The following CCDC28B variants were observed in gnomAD, a reference collection of about 807,000 sequenced individuals.
CCDC28B encodes the protein coiled-coil domain containing 28B, also known as coiled-coil domain-containing protein 28B.
Under a neutral mutation model 18.7 loss-of-function variants are expected in CCDC28B, and 17 were observed. The observed-to-expected ratio is 0.91, with a 90% CI of 0.62 to 1.36. CCDC28B has a LOEUF of 1.36. Ranked by LOEUF, CCDC28B falls within the 40% of genes most tolerant of loss-of-function variation. The pLI is 0.00. For missense variants in CCDC28B, 213 were observed against 251.7 expected, an observed-to-expected ratio of 0.85 and a Z score of 1.04; for synonymous variants, 116 against 105.1, an observed-to-expected ratio of 1.10 and a Z score of -0.64.
chr1:32,198,439 C>T (rs1330206123), upstream of CCDC28B, among the ~76,000 whole-genome samples: 1 of 152,234 alleles, frequency 6.6e-6, no homozygotes, highest in Non-Finnish European at 1.5e-5. Context: ...GCAGTCGCCA[C>T]AGCCTCAGGA....
rs145691778 is a variant in CCDC28B at position 32,202,558 on chromosome 1, C to A, written c.164+459C>A. On this transcript the variant is annotated intron_variant, in intron 2 of 5. Coordinates refer to ENST00000373602, the MANE Select transcript of CCDC28B (RefSeq NM_024296.5). ...GTTTGCATGCTGCCTTATAATGTGT[C>A]CATGTTTGTTCCCCACTAAATACAA... is the stretch of plus-strand genomic sequence containing the variant. 18 of 346,628 alleles carry A rather than the reference C, an allele frequency of 5.2e-5. No individual in the cohort carries two copies. The East Asian group carries it at 1.3e-3, about 25-fold the overall frequency. The allele number at this position is 346,628 out of a possible 1,614,324, so 21.5% of individuals were successfully genotyped here. A position where few individuals can be genotyped will look rare whatever the true frequency, so the allele number is the denominator to read the frequency against.
intron 5 of CCDC28B, 99 bp downstream of exon 5, chr1:32,204,719 C>T (rs1643263511): frequency 6.2e-7 from 1 of 1,613,942 alleles, no homozygotes; most frequent in Admixed American, 1.7e-5. Context: ...ACCAACTTCC[C>T]CACCTCTTGC....
At chr1:32,196,537 T>A (rs1291146830), upstream of CCDC28B, 1 of 152,252 alleles carries the variant, frequency 6.6e-6, no homozygotes, top group Non-Finnish European at 1.5e-5. Context: ...TGTGTCCTGT[T>A]CTACCCCCAC....
chr1:32,200,986 G>A (rs1223996705), intron 1 of CCDC28B, among the ~76,000 whole-genome samples: 2 of 152,196 alleles, frequency 1.3e-5, no homozygotes, highest in African/African-American at 4.8e-5. Context: ...CCCGTCAGTG[G>A]CAGCCAGCTA....
At chr1:32,203,827 G>T in intron 2 of CCDC28B, 52 bp from the exon 3 acceptor site, 2 of 1,413,002 alleles carry the variant, frequency 1.4e-6, no homozygotes, top group Non-Finnish European at 1.9e-6. Flanking sequence ...AAGATCGGGA[G>T]GTGCCTGACT....
chr1:32,202,528 T>C, intron 2 of CCDC28B: 1 of 358,586 alleles, frequency 2.8e-6, no homozygotes, highest in South Asian at 2.1e-5. Flanking sequence ...TTTTTATGAT[T>C]GGGAGTTTGC....
At position 32,205,364 on chromosome 1, in the gene CCDC28B, G is replaced by C; in HGVS notation, c.*116G>C. On this transcript the variant is annotated 3_prime_UTR_variant, in exon 6 of 6. Coordinates refer to ENST00000373602, the MANE Select transcript of CCDC28B (RefSeq NM_024296.5). This position sits in a 1 kb window ranked among gnomAD's most constrained non-coding sequence, Gnocchi z 5.6. The stretch of plus-strand genomic sequence containing the variant: ...GCTATGGGGGAGGGGGGCGTTGAAT[G>C]GAATTAAACCAGAAAGAAAGCAAGC... 9.1e-7 allele frequency: 1 copy of C among 1,094,270 alleles called. No individual in the cohort carries two copies. 67.8% of individuals were successfully genotyped at this position (1,094,270 alleles called of 1,614,324 possible). A position where few individuals can be genotyped will look rare whatever the true frequency, so the allele number is the denominator to read the frequency against.
intron 2 of CCDC28B, 28 bp downstream of exon 2, chr1:32,202,127 A>G (rs779042666): frequency 6.2e-7 from 1 of 1,610,996 alleles, no homozygotes; most frequent in East Asian, 2.2e-5. Context: ...GGAAAGGAGG[A>G]GGGACCCCAA....
At chr1:32,196,794 A>G (rs1643035406), upstream of CCDC28B, 1 of 152,236 alleles carries the variant, frequency 6.6e-6, no homozygotes, top group Non-Finnish European at 1.5e-5. Flanking sequence ...CCCTTACCTT[A>G]AATCTCTCAG....
At chr1:32,201,786 C>A in intron 1 of CCDC28B, 127 bp from the exon 2 acceptor site, 1 of 756,388 alleles carries the variant, frequency 1.3e-6, no homozygotes, top group Non-Finnish European at 2.2e-6. Context: ...TGGCTCTGCC[C>A]CTACCGTATA....
At chr1:32,199,371 G>T (rs1387177640), upstream of CCDC28B, among the ~76,000 whole-genome samples, 3 of 152,098 alleles carry the variant, frequency 2.0e-5, no homozygotes, top group Admixed American at 6.6e-5. Flanking sequence ...GAGGGTGTGG[G>T]GGGGGTGCCG....
At chr1:32,203,549 C>T (rs563973571) in intron 2 of CCDC28B, among the ~76,000 whole-genome samples, 6 of 152,114 alleles carry the variant, frequency 3.9e-5, no homozygotes, top group East Asian at 1.9e-4. Context: ...TCTCTATATA[C>T]GCTGAAGACT....
At chr1:32,198,523 TCA>T, upstream of CCDC28B, among the ~76,000 whole-genome samples, 1 of 152,128 alleles carries the variant, frequency 6.6e-6, no homozygotes, top group Non-Finnish European at 1.5e-5. Flanking sequence ...TCAGAGAGGA[TCA>T]CACACACACA....
At chr1:32,199,157 T>G (rs537578888), upstream of CCDC28B, among the ~76,000 whole-genome samples, 56 of 152,306 alleles carry the variant, frequency 3.7e-4, no homozygotes, top group African/African-American at 1.3e-3. Context: ...CTCTGGGTCC[T>G]GGGTTGGTCA....
intron 2 of CCDC28B, 31 bp downstream of exon 2, chr1:32,202,130 G>C: frequency 6.2e-7 from 1 of 1,611,460 alleles, no homozygotes; most frequent in Non-Finnish European, 8.5e-7. Flanking sequence ...AAGGAGGAGG[G>C]ACCCCAACTC....
At chr1:32,204,071 G>C in intron 3 of CCDC28B, 26 bp downstream of exon 3, 1 of 1,568,320 alleles carries the variant, frequency 6.4e-7, no homozygotes, top group Non-Finnish European at 8.6e-7. Context: ...TGGTTTCAGC[G>C]GGTGTGTGGA....
chr1:32,197,593 G>A (rs996637440), upstream of CCDC28B: 3 of 152,318 alleles, frequency 2.0e-5, no homozygotes, highest in Non-Finnish European at 4.4e-5. The surrounding 1 kb of genome is among the most constrained non-coding windows in gnomAD (Gnocchi z 4.6). Context: ...CTATCCATGA[G>A]TGAAGGCCAG....
intron 5 of CCDC28B, chr1:32,204,854 T>G (rs1643269505): frequency 1.9e-6 from 3 of 1,539,688 alleles, no homozygotes; most frequent in Non-Finnish European, 2.6e-6. Flanking sequence ...TGTGAGTACT[T>G]TAGCTGACAT....
chr1:32,204,134 T>G, intron 3 of CCDC28B, 52 bp from the exon 4 acceptor site: 1 of 1,608,096 alleles, frequency 6.2e-7, no homozygotes, highest in Non-Finnish European at 8.5e-7. Flanking sequence ...GGTTCCAGGG[T>G]TCCAGGGTTC....
Sources: allele counts gnomAD v4.1 joint callset (sites outside exome capture counted in the v4.1 genomes callset), GRCh38; gene constraint gnomAD v4.1.1; non-coding constraint Gnocchi (gnomAD v3.1); transcripts MANE v1.5; gene names NCBI Gene and HGNC (gene_info 2026-07-23, HGNC 2026-07-21).